CDH13: variants seen among roughly 807,000 people sequenced by gnomAD.
The protein encoded by CDH13 is cadherin-13.
Under a neutral mutation model 63.8 loss-of-function variants are expected in CDH13, and 24 were observed. That is an observed-to-expected ratio of 0.38 (90% confidence interval 0.27 to 0.53). The LOEUF is 0.53. Among genes scored for constraint, CDH13 ranks in the 20% least tolerant of loss-of-function variants. CDH13 has a pLI of 0.85. For synonymous variants in CDH13, 503 were observed against 355.3 expected (o/e 1.42, Z -4.67); for missense variants, 1,049 against 903.1 (o/e 1.16, Z -2.07).
chr16:83,246,825 C>A (rs2151820657), intron 5 of CDH13, among the ~76,000 whole-genome samples: 1 of 152,296 alleles, frequency 6.6e-6, no homozygotes, highest in South Asian at 2.1e-4. Flanking sequence ...ACATTGCCGT[C>A]TGTTTCCTTC....
intron 7 of CDH13, among the ~76,000 whole-genome samples, chr16:83,582,353 A>T (rs1905695716): frequency 6.6e-6 from 1 of 152,068 alleles, no homozygotes; most frequent in African/African-American, 2.4e-5. Context: ...AAGGGTCTAG[A>T]CCTAATGCTA....
chr16:82,671,027 C>A (rs565813964), intron 1 of CDH13, among the ~76,000 whole-genome samples: 1 of 152,256 alleles, frequency 6.6e-6, no homozygotes, highest in East Asian at 1.9e-4. Context: ...ATGTCAAGCA[C>A]TTTTCATATA....
chr16:83,149,080 T>C (rs1345714869), intron 4 of CDH13, among the ~76,000 whole-genome samples: 2 of 152,326 alleles, frequency 1.3e-5, no homozygotes, highest in Admixed American at 1.3e-4. Context: ...AAGAAATATG[T>C]CCTTATCTTG....
At chr16:83,318,603 G>C (rs575839898) in intron 5 of CDH13, among the ~76,000 whole-genome samples, 1 of 152,156 alleles carries the variant, frequency 6.6e-6, no homozygotes, top group Non-Finnish European at 1.5e-5. Context: ...TCTGTGGCAC[G>C]TTGATGCCTA....
At chr16:82,847,420 C>T (rs941328867) in intron 1 of CDH13, among the ~76,000 whole-genome samples, 8 of 152,172 alleles carry the variant, frequency 5.3e-5, no homozygotes, top group African/African-American at 1.9e-4. Flanking sequence ...TTCCTTGACT[C>T]CTGGCCCCTT....
At position 83,063,640 on chromosome 16, in the gene CDH13, C is replaced by G. The variant is rs142705567; in HGVS notation, c.366+31422C>G. On this transcript the variant is annotated intron_variant, in intron 3 of 13. Coordinates refer to ENST00000567109, the MANE Select transcript of CDH13 (RefSeq NM_001257.5). ...ATTAGGGAGATGTTGTTTATCTCTA[C>G]TAGTTTCCTGTTAATTACTCTATGA... 1.6e-3 allele frequency among the ~76,000 whole-genome samples: 247 copies of G among 152,298 alleles called. 1 individual carries two copies. The highest frequency in any genetic ancestry group is 5.7e-3 in the African/African-American group (237 of 41,568).
chr16:83,370,059 C>G (rs1266456084), intron 6 of CDH13, among the ~76,000 whole-genome samples: 1 of 152,194 alleles, frequency 6.6e-6, no homozygotes, highest in African/African-American at 2.4e-5. Flanking sequence ...TCTCCAATAT[C>G]TCCTGCTACT....
At chr16:83,191,504 TACAC>T (rs1214690644) in intron 4 of CDH13, among the ~76,000 whole-genome samples, 1,497 of 93,630 alleles carry the variant, frequency 0.016, 16 homozygotes, top group East Asian at 0.023. Context: ...TATATATATA[TACAC>T]ACACACACAC....
At chr16:83,390,000 T>A (rs2091754873) in intron 6 of CDH13, among the ~76,000 whole-genome samples, 1 of 152,212 alleles carries the variant, frequency 6.6e-6, no homozygotes, top group Non-Finnish European at 1.5e-5. Flanking sequence ...GTCAACTTGG[T>A]TGGAAGGAGC....
chr16:83,678,569 T>C, intron 10 of CDH13, 108 bp downstream of exon 10: 2 of 1,360,668 alleles, frequency 1.5e-6, no homozygotes, highest in Non-Finnish European at 2.0e-6. Flanking sequence ...ATTAAACTTG[T>C]TAACAATCTC....
chr16:83,028,001 G>A (rs1248987289), intron 2 of CDH13, among the ~76,000 whole-genome samples: 1 of 152,112 alleles, frequency 6.6e-6, no homozygotes, highest in African/African-American at 2.4e-5. Flanking sequence ...TTTATGGTAG[G>A]AAGAAAGGGT....
chr16:83,194,999 A>G (rs2038836420), intron 4 of CDH13, among the ~76,000 whole-genome samples: 1 of 152,256 alleles, frequency 6.6e-6, no homozygotes, highest in South Asian at 2.1e-4. Context: ...AAGTATGAGA[A>G]TATTCCAATA....
intron 13 of CDH13, among the ~76,000 whole-genome samples, chr16:83,787,632 G>A (rs761837953): frequency 1.3e-5 from 2 of 152,158 alleles, no homozygotes; most frequent in Non-Finnish European, 2.9e-5. Flanking sequence ...CCAGCACTTA[G>A]AAGCCACTGC....
intron 5 of CDH13, among the ~76,000 whole-genome samples, chr16:83,234,333 C>T (rs1489048167): frequency 6.6e-6 from 1 of 152,196 alleles, no homozygotes; most frequent in African/African-American, 2.4e-5. Context: ...CTGTTTGGCA[C>T]AGTCCTGGGC....
chr16:83,278,077 C>A (rs892077053), intron 5 of CDH13, among the ~76,000 whole-genome samples: 11 of 152,108 alleles, frequency 7.2e-5, no homozygotes, highest in Non-Finnish European at 1.5e-4. Flanking sequence ...TGCAGTATTG[C>A]AGCATGAGCA....
At chr16:83,511,974 G>GTAAGT in intron 7 of CDH13, among the ~76,000 whole-genome samples, 1 of 152,170 alleles carries the variant, frequency 6.6e-6, no homozygotes, top group East Asian at 1.9e-4. Flanking sequence ...TCCAGCACAT[G>GTAAGT]GTTAGTCCTC....
intron 7 of CDH13, among the ~76,000 whole-genome samples, chr16:83,593,500 A>G (rs540346347): frequency 2.0e-5 from 3 of 152,190 alleles, no homozygotes; most frequent in Non-Finnish European, 4.4e-5. Flanking sequence ...TGACAACAGT[A>G]CAAATCAGGA....
At chr16:83,744,357 A>T (rs1417455111) in intron 10 of CDH13, among the ~76,000 whole-genome samples, 1 of 152,188 alleles carries the variant, frequency 6.6e-6, no homozygotes, top group Non-Finnish European at 1.5e-5. Context: ...AAACAGTAAA[A>T]ATTTGCCAGG....
chr16:82,858,173 T>C lies in CDH13; in HGVS notation c.46-189T>C, dbSNP rs2039779737. 2.0e-5 allele frequency among the ~76,000 whole-genome samples: 3 copies of C among 152,318 alleles called. No individual in the cohort carries two copies. The South Asian group carries it at 6.2e-4, about 32-fold the overall frequency. Reference sequence around the variant, plus strand: ...ATGGAAACTGCAGCAGCTGTTCCATTTGCGTATTCTCCAAATCTCAGTGCC... The same window carrying C: ...ATGGAAACTGCAGCAGCTGTTCCATCTGCGTATTCTCCAAATCTCAGTGCC... On this transcript the variant is annotated intron_variant, in intron 1 of 13. Coordinates refer to ENST00000567109, the MANE Select transcript of CDH13 (RefSeq NM_001257.5).
Sources: allele counts gnomAD v4.1 joint callset (sites outside exome capture counted in the v4.1 genomes callset), GRCh38; gene constraint gnomAD v4.1.1; transcripts MANE v1.5; gene names NCBI Gene and HGNC (gene_info 2026-07-23, HGNC 2026-07-21).